Variants in LRTM1 observed in about 807,000 individuals in gnomAD.
The protein encoded by LRTM1 is leucine-rich repeat and transmembrane domain-containing protein 1.
LRTM1 carries 38 observed loss-of-function variants against 32.4 expected under a neutral mutation model. The observed-to-expected ratio is 1.17, with a 90% confidence interval of 0.91 to 1.54. The LOEUF (loss-of-function observed/expected upper bound fraction) is 1.54, where lower values mean the gene tolerates loss of function less well. Among genes scored for constraint, LRTM1 ranks in the 40% most tolerant of loss-of-function variants. The pLI is 0.00. For missense variants in LRTM1, 466 were observed against 415.4 expected (o/e 1.12, Z -1.06); for synonymous variants, 186 against 169.9 (o/e 1.09, Z -0.74).
intron 1 of LRTM1, among the ~76,000 whole-genome samples, chr3:54,948,916 A>T (rs963753375): frequency 6.6e-6 from 1 of 152,202 alleles, no homozygotes; most frequent in Admixed American, 6.5e-5. Flanking sequence ...TTATTTGGGG[A>T]TGGTTGGAAA....
In LRTM1 at chr3:54,918,509, C is replaced by A. The variant is rs781338601; in HGVS notation, c.988G>T (p.Asp330Tyr). ...YHGGPLAQTN[D>Y]PGKVEEKERF... ...TCTTTTTCTTCCACCTTCCCAGGATCATTGGTTTGAGCCAAGGGTCCCCCA... is the reference window on the plus strand; with the variant it reads ...TCTTTTTCTTCCACCTTCCCAGGATAATTGGTTTGAGCCAAGGGTCCCCCA... Residue 330 changes from aspartate (D) to tyrosine (Y), a missense_variant, in exon 3 of 3, where the codon GAT (aspartate) becomes TAT (tyrosine). Coordinates refer to ENST00000273286, the MANE Select transcript of LRTM1 (RefSeq NM_020678.4). 2 of 1,613,866 alleles carry A rather than the reference C, an allele frequency of 1.2e-6. No individual in the cohort carries two copies.
At chr3:54,944,604 G>A (rs1701563212) in intron 1 of LRTM1, among the ~76,000 whole-genome samples, 1 of 151,934 alleles carries the variant, frequency 6.6e-6, no homozygotes, top group Non-Finnish European at 1.5e-5. Context: ...TGTATTTTTA[G>A]TAGAGACAGG....
At chr3:54,942,035 T>C (rs187154829) in intron 1 of LRTM1, among the ~76,000 whole-genome samples, 74 of 152,368 alleles carry the variant, frequency 4.9e-4, no homozygotes, top group African/African-American at 1.7e-3. Flanking sequence ...GATCAGTTTC[T>C]TTCTTGTAAA....
chr3:54,919,148 T>C (rs1460758180), intron 2 of LRTM1, among the ~76,000 whole-genome samples: 1 of 152,148 alleles, frequency 6.6e-6, no homozygotes, highest in Non-Finnish European at 1.5e-5. Flanking sequence ...ACCTTCATGT[T>C]CTCTAAATGC....
rs72877968 is a variant in LRTM1, at chr3:54,957,794, G to A, written c.-222+9134C>T. Among the ~76,000 whole-genome samples, 453 of 152,178 alleles carry A rather than the reference G, an allele frequency of 3.0e-3. 2 individuals are homozygous for A. Among genetic ancestry groups the A allele is most frequent in the African/African-American group, 0.01 (431 of 41,504 alleles). ...ATCTCTCACCCGGTAGGATGAGCAC[G>A]CATGACCCCTACACAGTCCCCCAGA... On this transcript the variant is annotated intron_variant, in intron 1 of 2. Transcript: ENST00000493075.
rs772484674 is a variant in LRTM1 at position 54,924,720 on chromosome 3, G to T, written c.503C>A (p.Ser168Tyr). The T allele has an allele frequency of 2.5e-6, 4 of 1,614,154 alleles. No homozygotes were observed. The South Asian group carries it at 4.4e-5, about 18-fold the overall frequency. Residue 168 changes from serine to tyrosine, a missense_variant, in exon 2 of 3, where the codon TCC (serine) becomes TAC (tyrosine). Coordinates refer to ENST00000273286, the MANE Select transcript of LRTM1 (RefSeq NM_020678.4). Reference protein sequence around the residue: ...LQQLDRALLESMPSVRLLLLK... With the variant: ...LQQLDRALLEYMPSVRLLLLK... ...AAGTAAAAGCCTCACACTGGGCATG[G>T]ATTCCAGGAGCGCTCGATCAAGCTG...
chr3:54,952,330 C>T (rs953349570), intron 1 of LRTM1, among the ~76,000 whole-genome samples: 2 of 152,182 alleles, frequency 1.3e-5, no homozygotes, highest in African/African-American at 4.8e-5. Flanking sequence ...TGCCTAGTTT[C>T]CCAGGAGGCT....
At chr3:54,949,368 C>G (rs1701697928) in intron 1 of LRTM1, among the ~76,000 whole-genome samples, 1 of 152,174 alleles carries the variant, frequency 6.6e-6, no homozygotes, top group Non-Finnish European at 1.5e-5. Flanking sequence ...AGGGGACATG[C>G]CTGCTCAGCT....
chr3:54,957,051 A>G (rs1370976494), intron 1 of LRTM1, among the ~76,000 whole-genome samples: 1 of 152,210 alleles, frequency 6.6e-6, no homozygotes, highest in Non-Finnish European at 1.5e-5. Flanking sequence ...TTAAGCTTCT[A>G]GCAGACACCT....
At chr3:54,946,848 T>C (rs6781307) in intron 1 of LRTM1, among the ~76,000 whole-genome samples, 39,984 of 151,698 alleles carry the variant, frequency 0.26, 5,605 homozygotes, top group African/African-American at 0.35. Flanking sequence ...GACCATTTAG[T>C]CCCTGACTGA....
chr3:54,931,362 G>GGA (rs1163372656), upstream of LRTM1, among the ~76,000 whole-genome samples: 1 of 152,186 alleles, frequency 6.6e-6, no homozygotes, highest in African/African-American at 2.4e-5. Flanking sequence ...ACTTGGATGT[G>GGA]GAGGCTGATT....
chr3:54,964,992 T>C (rs1043879216), intron 1 of LRTM1, among the ~76,000 whole-genome samples: 2 of 152,110 alleles, frequency 1.3e-5, no homozygotes, highest in African/African-American at 4.8e-5. Flanking sequence ...TCTAAAAATA[T>C]AAACCTGATC....
rs370607786 is a variant in LRTM1 at position 54,925,031 on chromosome 3, AT to A, written c.191del (p.His64LeufsTer14). 2.5e-4 allele frequency: 406 copies of A among 1,614,140 alleles called. 1 individual carries two copies. The East Asian group carries it at 5.1e-3, about 20-fold the overall frequency. ...TLHLQDNQIH[H>X]LPAFAFRSVP... is the part of the protein sequence containing the mutation. ...CTGACCTAAATGCAAAAGCAGGAAG[AT>A]GGTGTATCTGATTATCTTGTAAATG... On this transcript the variant is annotated frameshift_variant, in exon 2 of 3. Coordinates refer to ENST00000273286, the MANE Select transcript of LRTM1 (RefSeq NM_020678.4). LOFTEE classifies it high-confidence loss of function.
At chr3:54,948,466 A>G (rs866164488) in intron 1 of LRTM1, among the ~76,000 whole-genome samples, 12 of 152,234 alleles carry the variant, frequency 7.9e-5, no homozygotes, top group South Asian at 6.2e-4. Flanking sequence ...GAGCAGTTCA[A>G]TGGCCTATGT....
At chr3:54,919,999 T>C (rs2360662) in intron 2 of LRTM1, among the ~76,000 whole-genome samples, 111,775 of 152,118 alleles carry the variant, frequency 0.73, 41,363 homozygotes, top group East Asian at 0.86. Flanking sequence ...AGCCTTTTGA[T>C]TGGACAGAAC....
chr3:54,925,645 C>A (rs1700992396), intron 1 of LRTM1, among the ~76,000 whole-genome samples: 1 of 152,310 alleles, frequency 6.6e-6, no homozygotes, highest in South Asian at 2.1e-4. Flanking sequence ...ACAGTGCTGT[C>A]TAATACAACT....
rs141095532 is a variant in LRTM1, at chr3:54,959,151, C to G, written c.-222+7777G>C. Among the ~76,000 whole-genome samples the G allele has an allele frequency of 1.8e-3, 271 of 152,292 alleles. 3 individuals carry two copies. The highest frequency in any genetic ancestry group is 6.3e-3 in the African/African-American group (261 of 41,572). On this transcript the variant is annotated intron_variant, in intron 1 of 2. Coordinates refer to the LRTM1 transcript ENST00000493075. ...TCCTATTAGAGTGCTGTCAGTTTTT[C>G]AAATGAACTGTCTGTATATTGAGTC...
intron 1 of LRTM1, among the ~76,000 whole-genome samples, chr3:54,942,956 G>A (rs1478692973): frequency 5.3e-5 from 8 of 152,128 alleles, no homozygotes; most frequent in Admixed American, 6.5e-5. Flanking sequence ...CCCAGGAGGC[G>A]GAGGTTGCAG....
intron 1 of LRTM1, among the ~76,000 whole-genome samples, chr3:54,939,414 T>C (rs1000891952): frequency 6.6e-6 from 1 of 152,218 alleles, no homozygotes; most frequent in African/African-American, 2.4e-5. Flanking sequence ...CATCTTATTC[T>C]TCCCAGTCCC....
Sources: gnomAD v4.1 joint callset for allele counts (sites outside exome capture counted in the v4.1 genomes callset) on GRCh38, gnomAD v4.1.1 for gene constraint, MANE v1.5 for transcripts, NCBI Gene and HGNC (gene_info 2026-07-23, HGNC 2026-07-21) for gene names.